Variants in SNRK observed in about 807,000 individuals in gnomAD.
SNRK encodes SNF related kinase, also known as SNF-related serine/threonine-protein kinase.
Under a neutral mutation model 48.2 loss-of-function variants are expected in SNRK, and 3 were observed. The ratio of observed to expected loss-of-function variants is 0.06; its 90% CI spans 0.03 to 0.16. The LOEUF is 0.16. Among genes scored for constraint, SNRK ranks in the 10% least tolerant of loss-of-function variants. SNRK has a pLI of 1.00. For missense variants in SNRK, 627 were observed against 976.0 expected (o/e 0.64, Z 4.76); for synonymous variants, 376 against 366.1 (o/e 1.03, Z -0.31).
chr3:43,343,534 T>TG, intron 6 of SNRK, 56 bp downstream of exon 6: 2 of 303,436 alleles, frequency 6.6e-6, no homozygotes, highest in Non-Finnish European at 1.0e-5. Context: ...AATAGCGAAC[T>TG]TTTTTTTTTT....
At chr3:43,294,857 G>C (rs754147515) in intron 1 of SNRK, among the ~76,000 whole-genome samples, 13 of 152,138 alleles carry the variant, frequency 8.5e-5, no homozygotes, top group Middle Eastern at 3.4e-3. Context: ...AAAAGCTTTA[G>C]ATCAGAGATT....
chr3:43,322,834 C>A (rs893562482), intron 3 of SNRK, among the ~76,000 whole-genome samples: 9 of 151,432 alleles, frequency 5.9e-5, no homozygotes, highest in Admixed American at 3.9e-4. Flanking sequence ...TGCCTGTAGT[C>A]CCAGCTACTC....
At chr3:43,335,913 T>C (rs2091184300) in intron 4 of SNRK, among the ~76,000 whole-genome samples, 1 of 152,226 alleles carries the variant, frequency 6.6e-6, no homozygotes, top group Non-Finnish European at 1.5e-5. Flanking sequence ...GTAGAGTTTT[T>C]CTTTCTTTTC....
At chr3:43,298,298 C>T (rs73831243) in intron 1 of SNRK, among the ~76,000 whole-genome samples, 3,814 of 152,248 alleles carry the variant, frequency 0.025, 165 homozygotes, top group African/African-American at 0.085. Context: ...TACTACCGCA[C>T]TGCTTTGCCA....
intron 1 of SNRK, among the ~76,000 whole-genome samples, chr3:43,296,423 T>TATATATATATATGTATATATATATATTC (rs1553632591): frequency 0.023 from 3,309 of 143,492 alleles, 155 homozygotes; most frequent in African/African-American, 0.081. Flanking sequence ...GGCATATATA[T>TATATATATATATGTATATATATATATTC]ATATATATAT....
chr3:43,327,630 T>TC (rs2091105994), intron 3 of SNRK, among the ~76,000 whole-genome samples: 1 of 152,230 alleles, frequency 6.6e-6, no homozygotes, highest in Non-Finnish European at 1.5e-5. Context: ...TAGAAATGAC[T>TC]TTTTAGGAAA....
chr3:43,336,821 G>A (rs571017754), intron 4 of SNRK, among the ~76,000 whole-genome samples: 2 of 151,888 alleles, frequency 1.3e-5, no homozygotes, highest in Non-Finnish European at 2.9e-5. Flanking sequence ...GTGTGATCTC[G>A]GCTTGCTGCA....
intron 3 of SNRK, among the ~76,000 whole-genome samples, chr3:43,324,552 T>C (rs2091080671): frequency 6.6e-6 from 1 of 151,736 alleles, no homozygotes; most frequent in Non-Finnish European, 1.5e-5. Context: ...GCATTAAATA[T>C]GCACTGCTTT....
At chr3:43,304,200 A>G (rs1203393901) in intron 3 of SNRK, among the ~76,000 whole-genome samples, 1 of 152,228 alleles carries the variant, frequency 6.6e-6, no homozygotes, top group Non-Finnish European at 1.5e-5. Flanking sequence ...AGTGCAATAT[A>G]AAGAATTTGG....
In SNRK at chr3:43,349,961, C is replaced by G. The variant is rs1272626339; in HGVS notation, c.*1404C>G. 2.0e-5 allele frequency: 3 copies of G among 152,200 alleles called. No homozygotes were observed. The highest frequency in any genetic ancestry group is 4.4e-5 in the Non-Finnish European group (3 of 68,046). The allele number at this position is 152,200 out of a possible 1,614,324, so 9.4% of individuals were successfully genotyped here. ...CGAGTCATGTGTCTGAGGTGACGGA[C>G]TGAGACGCATCTGGTCCTGTAATTC... On this transcript the variant is annotated 3_prime_UTR_variant, in exon 7 of 7. Coordinates refer to ENST00000296088, the MANE Select transcript of SNRK (RefSeq NM_017719.5).
chr3:43,305,556 C>G (rs1480925627), intron 3 of SNRK, among the ~76,000 whole-genome samples: 1 of 149,324 alleles, frequency 6.7e-6, no homozygotes, highest in Admixed American at 6.7e-5. Context: ...CCTGTCGGCT[C>G]TCTGCAAGCT....
intron 1 of SNRK, among the ~76,000 whole-genome samples, chr3:43,291,692 T>C (rs2090813804): frequency 6.6e-6 from 1 of 152,248 alleles, no homozygotes; most frequent in Non-Finnish European, 1.5e-5. Context: ...TGTTGGGCTG[T>C]AGATCCTGTG....
intron 3 of SNRK, among the ~76,000 whole-genome samples, chr3:43,312,197 C>T (rs1440895770): frequency 6.6e-6 from 1 of 152,032 alleles, no homozygotes; most frequent in Non-Finnish European, 1.5e-5. Context: ...ACCAATTATG[C>T]AATAATCAAT....
rs1002250436 is a variant in SNRK, at chr3:43,348,691, G to A, written c.*134G>A. On this transcript the variant is annotated 3_prime_UTR_variant, in exon 7 of 7. Coordinates refer to ENST00000296088, the MANE Select transcript of SNRK (RefSeq NM_017719.5). ...TTATTTATTACCTTTCCATTTGTTC[G>A]CCTGATGATGTGACAATGCATGGTC... is the stretch of plus-strand genomic sequence containing the variant. The A allele has an allele frequency of 1.8e-5, 17 of 950,292 alleles. No homozygotes were observed. The highest frequency in any genetic ancestry group is 5.0e-5 in the African/African-American group (3 of 59,420). The allele number at this position is 950,292 out of a possible 1,614,324, so 58.9% of individuals were successfully genotyped here.
chr3:43,307,451 C>T (rs1396441034), intron 3 of SNRK, among the ~76,000 whole-genome samples: 2 of 152,140 alleles, frequency 1.3e-5, no homozygotes, highest in East Asian at 3.8e-4. Flanking sequence ...TTTCTTGGCA[C>T]CATTTTTGCA....
At position 43,344,214 on chromosome 3, in the gene SNRK, C is replaced by T. The variant is rs527882636; in HGVS notation, c.1079+736C>T. ...TTTTCTAACCCCCTCTCTCCTCCTC[C>T]TCCTCTCCCCCAGCCTTCCCACTTT... On this transcript the variant is annotated intron_variant, in intron 6 of 6. Coordinates refer to ENST00000296088, the MANE Select transcript of SNRK (RefSeq NM_017719.5). Among the ~76,000 whole-genome samples the T allele has an allele frequency of 2.0e-4, 30 of 152,260 alleles. No individual in the cohort carries two copies. The South Asian group carries it at 2.9e-3, about 15-fold the overall frequency.
At chr3:43,318,136 G>A (rs1296425879) in intron 3 of SNRK, among the ~76,000 whole-genome samples, 3 of 152,104 alleles carry the variant, frequency 2.0e-5, no homozygotes, top group African/African-American at 7.2e-5. Flanking sequence ...AAGAGTATCC[G>A]AGGTACCCTT....
chr3:43,335,540 A>G (rs953322517), intron 4 of SNRK, among the ~76,000 whole-genome samples: 1 of 151,890 alleles, frequency 6.6e-6, no homozygotes, highest in African/African-American at 2.4e-5. Context: ...AATAGTGTAT[A>G]TTTTCCAGTT....
intron 3 of SNRK, among the ~76,000 whole-genome samples, chr3:43,311,404 C>T (rs2090978125): frequency 6.6e-6 from 1 of 152,168 alleles, no homozygotes; most frequent in Non-Finnish European, 1.5e-5. Context: ...CTGCCTTCTA[C>T]TGTTTCTGTC....
Sources: allele counts gnomAD v4.1 joint callset (sites outside exome capture counted in the v4.1 genomes callset), GRCh38; gene constraint gnomAD v4.1.1; transcripts MANE v1.5; gene names NCBI Gene and HGNC (gene_info 2026-07-23, HGNC 2026-07-21).